The following FKBP5 variants were observed in gnomAD, a reference collection of about 807,000 sequenced individuals.
FKBP5 encodes peptidyl-prolyl cis-trans isomerase FKBP5.
Under a neutral mutation model 50.5 loss-of-function variants are expected in FKBP5, and 23 were observed. The ratio of observed to expected loss-of-function variants is 0.46; its 90% confidence interval spans 0.33 to 0.65. The LOEUF (loss-of-function observed/expected upper bound fraction) is 0.65, where lower values mean the gene tolerates loss of function less well. FKBP5 is among the 30% of genes least tolerant of loss of function. The pLI is 0.02. For synonymous variants in FKBP5, 176 were observed against 190.6 expected (o/e 0.92, Z 0.63); for missense variants, 411 against 553.1 (o/e 0.74, Z 2.58).
chr6:35,573,780 T>C lies in FKBP5; in HGVS notation c.*2055A>G, dbSNP rs1252099192. The C allele has an allele frequency of 1.3e-5, 2 of 152,196 alleles. No individual in the cohort carries two copies. Among genetic ancestry groups the C allele is most frequent in the African/African-American group, 4.8e-5 (2 of 41,446 alleles). 9.4% of individuals were successfully genotyped at this position (152,196 alleles called of 1,614,324 possible). A position where few individuals can be genotyped will look rare whatever the true frequency, so the allele number is the denominator to read the frequency against. ...AAGATTATTGAATTTGATACAAGAA[T>C]ACGTGAAGTGTCTTCTTGAGTGGTA... On this transcript the variant is annotated 3_prime_UTR_variant, in exon 11 of 11. Coordinates refer to ENST00000357266, the MANE Select transcript of FKBP5 (RefSeq NM_004117.4).
chr6:35,676,145 G>C (rs1226257393), intron 1 of FKBP5, among the ~76,000 whole-genome samples: 2 of 152,170 alleles, frequency 1.3e-5, no homozygotes, highest in East Asian at 3.8e-4. Context: ...AAAAGAAAAG[G>C]CAAGAAAAGC....
At chr6:35,598,558 A>G (rs1763053650) in intron 5 of FKBP5, among the ~76,000 whole-genome samples, 1 of 152,142 alleles carries the variant, frequency 6.6e-6, no homozygotes, top group African/African-American at 2.4e-5. Context: ...AATTCTCTGA[A>G]ACTTTACAAC....
chr6:35,635,195 C>T (rs7740395), intron 3 of FKBP5, among the ~76,000 whole-genome samples: 125,369 of 152,086 alleles, frequency 0.82, 51,727 homozygotes, highest in African/African-American at 0.85. Context: ...ATTAGCCAGG[C>T]GTGGTGGTGT....
At chr6:35,697,412 T>C (rs1419438497) in intron 2 of FKBP5, among the ~76,000 whole-genome samples, 1 of 152,086 alleles carries the variant, frequency 6.6e-6, no homozygotes, top group Non-Finnish European at 1.5e-5. Flanking sequence ...CCGGGCATGG[T>C]GGCCCATGCC....
chr6:35,612,421 T>C (rs182710296), intron 5 of FKBP5, among the ~76,000 whole-genome samples: 219 of 152,178 alleles, frequency 1.4e-3, no homozygotes, highest in African/African-American at 4.8e-3. Context: ...TCAAGGATCT[T>C]TTTCCTTAGA....
chr6:35,633,169 CA>C (rs745525831), intron 3 of FKBP5, among the ~76,000 whole-genome samples: 69 of 152,136 alleles, frequency 4.5e-4, no homozygotes, highest in Non-Finnish European at 7.8e-4. Context: ...CAATGGAGTT[CA>C]ATGAATAATA....
At chr6:35,639,378 T>A (rs1764412786) in intron 2 of FKBP5, among the ~76,000 whole-genome samples, 1 of 152,192 alleles carries the variant, frequency 6.6e-6, no homozygotes, top group African/African-American at 2.4e-5. Context: ...TAGACAATGA[T>A]AAATGATATA....
intron 3 of FKBP5, among the ~76,000 whole-genome samples, chr6:35,633,192 G>A (rs1160007142): frequency 6.6e-6 from 1 of 152,006 alleles, no homozygotes; most frequent in Non-Finnish European, 1.5e-5. Context: ...TTATACTACT[G>A]TCCATTTATA....
At chr6:35,667,922 G>A (rs1765275875) in intron 1 of FKBP5, among the ~76,000 whole-genome samples, 1 of 152,032 alleles carries the variant, frequency 6.6e-6, no homozygotes, top group Non-Finnish European at 1.5e-5. Context: ...CTGCGATCCC[G>A]CCACTGCACT....
chr6:35,634,854 C>A (rs1461783336), intron 3 of FKBP5, among the ~76,000 whole-genome samples: 1 of 151,970 alleles, frequency 6.6e-6, no homozygotes, highest in Non-Finnish European at 1.5e-5. Context: ...ATTATTCCTA[C>A]AAGATTAAAA....
At chr6:35,684,219 T>C (rs1765760162) in intron 1 of FKBP5, among the ~76,000 whole-genome samples, 1 of 151,292 alleles carries the variant, frequency 6.6e-6, no homozygotes, top group African/African-American at 2.4e-5. Context: ...CGCTCTGTTG[T>C]CCAGGCTGGA....
intron 8 of FKBP5, chr6:35,581,051 A>T: frequency 1.0e-6 from 1 of 966,210 alleles, no homozygotes; most frequent in Non-Finnish European, 1.2e-6. Flanking sequence ...TCTAGACAGT[A>T]TGTAAATCAA....
intron 2 of FKBP5, among the ~76,000 whole-genome samples, chr6:35,695,275 T>C (rs1223526285): frequency 6.6e-6 from 1 of 152,224 alleles, no homozygotes. Flanking sequence ...GGGATTCTCA[T>C]GCCTCAGCCT....
rs1192557801 is a variant in FKBP5, at chr6:35,658,929, G to A, written c.-19-16086C>T. Among the ~76,000 whole-genome samples the A allele has an allele frequency of 3.7e-5, 3 of 81,990 alleles. 1 individual carries two copies. Among genetic ancestry groups the A allele is most frequent in the African/African-American group, 1.1e-4 (3 of 26,346 alleles). The allele number at this position is 81,990 out of a possible 152,430, so 53.8% of individuals were successfully genotyped here. ...CTACCAAAAAATACAAAAATTAGCT[G>A]AGCATGGTGGCACACACCTGTAGTC... is the stretch of plus-strand genomic sequence containing the variant. On this transcript the variant is annotated intron_variant, in intron 1 of 10. Transcript: ENST00000357266.
At chr6:35,612,481 G>T (rs1763520411) in intron 5 of FKBP5, among the ~76,000 whole-genome samples, 1 of 152,194 alleles carries the variant, frequency 6.6e-6, no homozygotes, top group African/African-American at 2.4e-5. Flanking sequence ...ATATAGGGTA[G>T]AAGAAATTAA....
chr6:35,647,284 G>A lies in FKBP5; in HGVS notation c.-19-4441C>T, dbSNP rs184472942. ...CCAAATGTTACCATTATATACTAAA[G>A]GATGAACCTGAATACAGGATTATTC... On this transcript the variant is annotated intron_variant, in intron 1 of 10. Transcript: ENST00000357266. Among the ~76,000 whole-genome samples the A allele has an allele frequency of 6.0e-4, 91 of 152,268 alleles. 1 individual carries two copies. The highest frequency in any genetic ancestry group is 2.1e-3 in the African/African-American group (89 of 41,546).
intron 2 of FKBP5, among the ~76,000 whole-genome samples, chr6:35,705,143 AAACAACAAC>A (rs756008610): frequency 6.7e-6 from 1 of 148,432 alleles, no homozygotes; most frequent in East Asian, 2.0e-4. Context: ...TCCGTCTCAA[AAACAACAAC>A]AACAACAACA....
intron 6 of FKBP5, among the ~76,000 whole-genome samples, chr6:35,596,323 T>C (rs1288968354): frequency 6.6e-6 from 1 of 152,088 alleles, no homozygotes; most frequent in African/African-American, 2.4e-5. Context: ...CACTGCACTC[T>C]AGCCTGGGTG....
rs1218436320 is a variant in FKBP5 at position 35,661,887 on chromosome 6, A to G, written c.-19-19044T>C. ...GCAAGTCACTTACCTTCTTTGTGCC[A>G]CAGTTTCCCTATCTAAAACACAAGG... On this transcript the variant is annotated intron_variant, in intron 1 of 10. Coordinates refer to ENST00000357266, the MANE Select transcript of FKBP5 (RefSeq NM_004117.4). 2.1e-4 allele frequency among the ~76,000 whole-genome samples: 5 copies of G among 24,000 alleles called. 2 individuals are homozygous for G. Among genetic ancestry groups the G allele is most frequent in the African/African-American group, 5.1e-4 (5 of 9,784 alleles). 15.7% of individuals were successfully genotyped at this position (24,000 alleles called of 152,430 possible).
Sources: gnomAD v4.1 joint callset for allele counts (sites outside exome capture counted in the v4.1 genomes callset) on GRCh38, gnomAD v4.1.1 for gene constraint, MANE v1.5 for transcripts, NCBI Gene and HGNC (gene_info 2026-07-23, HGNC 2026-07-21) for gene names.